The following FMN1 variants were observed in gnomAD, a reference collection of about 807,000 sequenced individuals.
The protein encoded by FMN1 is formin-1.
FMN1 carries 110 observed loss-of-function variants against 132.4 expected under a neutral mutation model. The ratio of observed to expected loss-of-function variants is 0.83; its 90% CI spans 0.71 to 0.97. FMN1 has a LOEUF of 0.97. Among genes scored for constraint, FMN1 ranks in the 50% least tolerant of loss-of-function variants. The pLI, the probability that FMN1 is intolerant of heterozygous loss-of-function variation, is 0.00. For synonymous variants in FMN1, 722 were observed against 651.7 expected, an observed-to-expected ratio of 1.11 and a Z score of -1.64; for missense variants, 1,792 against 1,705.3, an observed-to-expected ratio of 1.05 and a Z score of -0.90.
intron 7 of FMN1, among the ~76,000 whole-genome samples, chr15:32,998,958 T>C (rs1331225274): frequency 2.0e-5 from 3 of 152,194 alleles, no homozygotes; most frequent in African/African-American, 7.2e-5. Flanking sequence ...CAAATGTACC[T>C]ACCGGATTCT....
chr15:32,821,850 C>G (rs2058226998), intron 17 of FMN1, among the ~76,000 whole-genome samples: 1 of 152,156 alleles, frequency 6.6e-6, no homozygotes, highest in African/African-American at 2.4e-5. Context: ...GGGAGGCTTG[C>G]TTTTCCTTTC....
At chr15:32,965,936 G>C (rs919112552) in intron 8 of FMN1, among the ~76,000 whole-genome samples, 1 of 152,102 alleles carries the variant, frequency 6.6e-6, no homozygotes, top group Non-Finnish European at 1.5e-5. Flanking sequence ...TCAACTTGAA[G>C]CATAAGCACC....
chr15:32,981,983 C>T (rs975617487), intron 7 of FMN1, among the ~76,000 whole-genome samples: 5 of 151,960 alleles, frequency 3.3e-5, no homozygotes, highest in African/African-American at 9.7e-5. Flanking sequence ...AAACAAATAA[C>T]GGACACAGGA....
intron 6 of FMN1, among the ~76,000 whole-genome samples, chr15:33,044,771 G>T (rs1246941767): frequency 6.6e-6 from 1 of 152,206 alleles, no homozygotes; most frequent in African/African-American, 2.4e-5. Context: ...CTGAAAAGAC[G>T]ACAGGATGAC....
rs750195886 is a variant in FMN1 at position 33,066,641 on chromosome 15, T to C, written c.2044-1567A>G. On this transcript the variant is annotated intron_variant, in intron 5 of 20. Coordinates refer to ENST00000616417, the MANE Select transcript of FMN1 (RefSeq NM_001277313.2). Reference sequence around the variant, plus strand: ...CTCAGAGGTGTCAGCTGTGGTCCCCTTTCTGGGGGGCCGGATGAATAGGGC... The same window carrying C: ...CTCAGAGGTGTCAGCTGTGGTCCCCCTTCTGGGGGGCCGGATGAATAGGGC... The C allele has an allele frequency of 1.5e-5, 25 of 1,613,776 alleles. No homozygotes were observed. In the Admixed American group the frequency reaches 1.8e-4, roughly 12 times the overall value.
At chr15:33,036,352 A>T (rs1243235693) in intron 6 of FMN1, among the ~76,000 whole-genome samples, 3 of 152,192 alleles carry the variant, frequency 2.0e-5, no homozygotes, top group African/African-American at 4.8e-5. Context: ...TATATGACAT[A>T]CTTCCTTCAC....
At chr15:33,088,406 C>T (rs1269262986) in intron 5 of FMN1, among the ~76,000 whole-genome samples, 2 of 152,124 alleles carry the variant, frequency 1.3e-5, no homozygotes, top group East Asian at 1.9e-4. Flanking sequence ...GCAGGGTATT[C>T]GGATTTCACT....
Position 32,768,782 on chromosome 15 carries a change from G to A in FMN1, c.*5528C>T, listed in dbSNP as rs971677771. 5.3e-5 allele frequency: 8 copies of A among 152,150 alleles called. No individual in the cohort carries two copies. Among genetic ancestry groups the A allele is most frequent in the African/African-American group, 1.9e-4 (8 of 41,432 alleles). 9.4% of individuals were successfully genotyped at this position (152,150 alleles called of 1,614,324 possible). Reference sequence around the variant, plus strand: ...GAGATTCTCAGTATATTTAAGAGAAGATTTAAAAATAGAAAATTACATAAG... The same window carrying A: ...GAGATTCTCAGTATATTTAAGAGAAAATTTAAAAATAGAAAATTACATAAG... On this transcript the variant is annotated 3_prime_UTR_variant, in exon 21 of 21. Transcript: ENST00000616417.
At chr15:33,053,946 G>A (rs1420283696) in intron 6 of FMN1, among the ~76,000 whole-genome samples, 4 of 151,472 alleles carry the variant, frequency 2.6e-5, no homozygotes, top group Non-Finnish European at 5.9e-5. Context: ...ATTTCACTAC[G>A]TAGGCATGAT....
intron 17 of FMN1, among the ~76,000 whole-genome samples, chr15:32,848,462 T>C (rs1005959203): frequency 6.6e-5 from 10 of 152,246 alleles, no homozygotes; most frequent in Non-Finnish European, 5.9e-5. Flanking sequence ...TAGAGCGATG[T>C]TGAAGAAGGC....
intron 17 of FMN1, among the ~76,000 whole-genome samples, chr15:32,844,976 C>T (rs1046814736): frequency 6.6e-6 from 1 of 152,150 alleles, no homozygotes; most frequent in African/African-American, 2.4e-5. Flanking sequence ...GAAACATACC[C>T]GTATTATTTG....
rs369342292 is a variant in FMN1, at chr15:32,980,511, T to C, written c.2224-11034A>G. On this transcript the variant is annotated intron_variant, in intron 7 of 20. Coordinates refer to ENST00000616417, the MANE Select transcript of FMN1 (RefSeq NM_001277313.2). ...TTAAAAGAACATTTAATCTTAAATATTGTGATTTTTAAAACTGTACAGTAT... is the reference window on the plus strand; with the variant it reads ...TTAAAAGAACATTTAATCTTAAATACTGTGATTTTTAAAACTGTACAGTAT... Among the ~76,000 whole-genome samples, 11 of 152,342 alleles carry C rather than the reference T, an allele frequency of 7.2e-5. No homozygotes were observed. In the East Asian group the frequency reaches 1.7e-3, roughly 24 times the overall value.
intron 6 of FMN1, among the ~76,000 whole-genome samples, chr15:33,059,810 T>TA (rs1315929032): frequency 1.3e-5 from 2 of 152,238 alleles, no homozygotes; most frequent in African/African-American, 2.4e-5. Context: ...TGAGACTCTA[T>TA]ATTTTAATCT....
intron 10 of FMN1, among the ~76,000 whole-genome samples, chr15:32,921,692 T>TTTC (rs398026770): frequency 2.8e-4 from 42 of 149,910 alleles, no homozygotes; most frequent in Non-Finnish European, 5.0e-4. Context: ...TTTTTTTTTT[T>TTTC]CGAGATAAGA....
At chr15:32,894,224 C>T (rs1431966903) in intron 15 of FMN1, among the ~76,000 whole-genome samples, 5 of 152,148 alleles carry the variant, frequency 3.3e-5, no homozygotes, top group Admixed American at 1.3e-4. Flanking sequence ...GTGGCTCATG[C>T]CTGTAATCTC....
chr15:33,005,721 G>A (rs948536335), intron 7 of FMN1, among the ~76,000 whole-genome samples: 10 of 152,162 alleles, frequency 6.6e-5, no homozygotes, highest in Admixed American at 5.2e-4. Context: ...CAACTTGGCT[G>A]TTAACACAAC....
At chr15:33,140,816 A>G (rs150713675) in intron 4 of FMN1, among the ~76,000 whole-genome samples, 166 of 152,366 alleles carry the variant, frequency 1.1e-3, no homozygotes, top group African/African-American at 3.7e-3. Flanking sequence ...GAAGGGGAAG[A>G]AAAGAAAGGT....
At chr15:32,858,982 T>C (rs935550936) in intron 16 of FMN1, among the ~76,000 whole-genome samples, 1 of 152,094 alleles carries the variant, frequency 6.6e-6, no homozygotes, top group Non-Finnish European at 1.5e-5. Context: ...AGAGAGTAGA[T>C]AGAGCTGGGA....
intron 7 of FMN1, among the ~76,000 whole-genome samples, chr15:32,980,120 A>G (rs934828386): frequency 6.6e-6 from 1 of 152,190 alleles, no homozygotes; most frequent in Non-Finnish European, 1.5e-5. Flanking sequence ...TGCCTCCTCT[A>G]AAAGAAGCTA....
Sources: gnomAD v4.1 joint callset for allele counts (sites outside exome capture counted in the v4.1 genomes callset) on GRCh38, gnomAD v4.1.1 for gene constraint, MANE v1.5 for transcripts, NCBI Gene and HGNC (gene_info 2026-07-23, HGNC 2026-07-21) for gene names.